OSBPL5: variants seen among roughly 807,000 people sequenced by gnomAD.
OSBPL5 encodes oxysterol-binding protein-related protein 5.
OSBPL5 carries 71 observed loss-of-function variants against 111.2 expected under a neutral mutation model. The ratio of observed to expected loss-of-function variants is 0.64; its 90% CI spans 0.53 to 0.78. The LOEUF is 0.78. Among genes scored for constraint, OSBPL5 ranks in the 30% least tolerant of loss-of-function variants. The probability of loss-of-function intolerance (pLI) is 0.00; values close to 1 mark genes in which losing one functional copy is unlikely to be tolerated. For synonymous variants in OSBPL5, 549 were observed against 513.9 expected, an observed-to-expected ratio of 1.07 and a Z score of -0.93; for missense variants, 1,210 against 1,189.3, an observed-to-expected ratio of 1.02 and a Z score of -0.26.
chr11:3,087,965 G>A lies in OSBPL5; in HGVS notation c.*240C>T, dbSNP rs1394589998. 1 of 388,882 alleles carries A rather than the reference G, an allele frequency of 2.6e-6. No individual in the cohort carries two copies. The highest frequency in any genetic ancestry group is 3.8e-5 in the East Asian group (1 of 26,052). The allele number at this position is 388,882 out of a possible 1,614,324, so 24.1% of individuals were successfully genotyped here. A position where few individuals can be genotyped will look rare whatever the true frequency, so the allele number is the denominator to read the frequency against. On this transcript the variant is annotated 3_prime_UTR_variant, in exon 22 of 22. Transcript: ENST00000263650. ...GCGTCGCACAGCAGAAGCTGCATTT[G>A]GCTTTAGCATTAAGGCCAGCGCTGG...
rs141820907 is a variant in OSBPL5, at chr11:3,096,160, G to A, written c.1622-1826C>T. On this transcript the variant is annotated intron_variant, in intron 14 of 21. Transcript: ENST00000263650. ...CATAGGACATCCATGCACGGAGCAT[G>A]GCCTGATGCAGAGACCCAGCCAAAC... 2.8e-3 allele frequency among the ~76,000 whole-genome samples: 428 copies of A among 152,334 alleles called. 2 individuals carry two copies. The highest frequency in any genetic ancestry group is 9.5e-3 in the African/African-American group (393 of 41,576).
rs920623507 is a variant in OSBPL5, at chr11:3,104,085, T to C, written c.1244+108A>G. 3.1e-6 allele frequency: 4 copies of C among 1,298,948 alleles called. No homozygotes were observed. The highest frequency in any genetic ancestry group is 1.5e-5 in the African/African-American group (1 of 67,566). 80.5% of individuals were successfully genotyped at this position (1,298,948 alleles called of 1,614,324 possible). A position where few individuals can be genotyped will look rare whatever the true frequency, so the allele number is the denominator to read the frequency against. On this transcript the variant is annotated intron_variant, in intron 10 of 21. Coordinates refer to ENST00000263650, the MANE Select transcript of OSBPL5 (RefSeq NM_020896.4). This position sits in a 1 kb window ranked among gnomAD's most constrained non-coding sequence, Gnocchi z 5.0. ...AGAAACAGTGGGCTGAGATCAGCCA[T>C]GGGATTCTCTGGAAGCCCCCACAGG...
At position 3,126,687 on chromosome 11, in the gene OSBPL5, G is replaced by C. The variant is rs2007670; in HGVS notation, c.137-132C>G. The C allele has an allele frequency of 0.11, 72,808 of 653,250 alleles. 4,370 individuals carry two copies. Among genetic ancestry groups the C allele is most frequent in the South Asian group, 0.13 (6,597 of 49,920 alleles). The allele number at this position is 653,250 out of a possible 1,614,324, so 40.5% of individuals were successfully genotyped here. On this transcript the variant is annotated intron_variant, in intron 2 of 21. Transcript: ENST00000263650. This position sits in a 1 kb window ranked among gnomAD's most constrained non-coding sequence, Gnocchi z 6.5. ...GAGGGGCAGGAAGTCAGCCGGAGGTGGTGGCAGGAACAGGACACTGCCTGA... is the reference window on the plus strand; with the variant it reads ...GAGGGGCAGGAAGTCAGCCGGAGGTCGTGGCAGGAACAGGACACTGCCTGA...
At chr11:3,152,193 T>C (rs966008117) in intron 1 of OSBPL5, among the ~76,000 whole-genome samples, 1 of 152,222 alleles carries the variant, frequency 6.6e-6, no homozygotes, top group African/African-American at 2.4e-5. Flanking sequence ...TGAGTCCATG[T>C]GGCCAGGGCA....
chr11:3,100,414 GCCTCAGATTCTGTAAAAT>G, intron 13 of OSBPL5, among the ~76,000 whole-genome samples, 158 bp from the exon 14 acceptor site: 2 of 152,296 alleles, frequency 1.3e-5, no homozygotes, highest in South Asian at 4.1e-4. Flanking sequence ...ACCTCTCTGG[GCCTCAGATTCTGTAAAAT>G]CCTTGTCCAG....
chr11:3,119,597 T>A lies in OSBPL5; in HGVS notation c.641A>T (p.Gln214Leu). The A allele has an allele frequency of 5.1e-6, 8 of 1,576,498 alleles. No homozygotes were observed. Among genetic ancestry groups the A allele is most frequent in the Non-Finnish European group, 6.9e-6 (8 of 1,166,072 alleles). Residue 214 changes from glutamine (Q) to leucine (L), a missense_variant, in exon 7 of 22, where the codon CAG (glutamine) becomes CTG (leucine). Transcript: ENST00000263650. ...PKGESVGSIT[Q>L]PLPSSYLIFR... ...GATCAGGTAGCTGCTGGGCAGGGGC[T>A]GTGTGATGGAGCCCACGCTCTCACC...
intron 5 of OSBPL5, 92 bp from the exon 6 acceptor site, chr11:3,120,716 A>G (rs925343319): frequency 6.9e-7 from 1 of 1,440,132 alleles, no homozygotes; most frequent in Non-Finnish European, 9.4e-7. Flanking sequence ...GGCACAGACC[A>G]GGGTGGGCTG....
At chr11:3,099,351 G>A (rs1027808925) in intron 14 of OSBPL5, among the ~76,000 whole-genome samples, 1 of 152,160 alleles carries the variant, frequency 6.6e-6, no homozygotes, top group Non-Finnish European at 1.5e-5. Context: ...AGCAACACAA[G>A]GAGTGAAAAG....
At chr11:3,096,995 A>AAGAGGAAAGAAGGGGAAGACGGGAAGAGG in intron 14 of OSBPL5, among the ~76,000 whole-genome samples, 1 of 2,094 alleles carries the variant, frequency 4.8e-4, no homozygotes, top group East Asian at 0.014. Flanking sequence ...GGAGGAGGAG[A>AAGAGGAAAGAAGGGGAAGACGGGAAGAGG]AGAGGAAAGA....
At chr11:3,159,987 C>T (rs547813651) in intron 1 of OSBPL5, among the ~76,000 whole-genome samples, 3 of 152,160 alleles carry the variant, frequency 2.0e-5, no homozygotes, top group African/African-American at 7.2e-5. Flanking sequence ...TGATCAGATC[C>T]GAGGCGGTGC....
rs1846070740 is a variant in OSBPL5 at position 3,140,347 on chromosome 11, G to C, written c.-21-11178C>G. On this transcript the variant is annotated intron_variant, in intron 1 of 21. Coordinates refer to ENST00000263650, the MANE Select transcript of OSBPL5 (RefSeq NM_020896.4). The surrounding 1 kb of genome is among the most constrained non-coding windows in gnomAD (Gnocchi z 4.5). ...CCAAGCTCTCCCCTGTATCCCTCAGGTGCTGGACAGGCAGGGTAGGGCTCA... is the reference window on the plus strand; with the variant it reads ...CCAAGCTCTCCCCTGTATCCCTCAGCTGCTGGACAGGCAGGGTAGGGCTCA... 6.6e-6 allele frequency among the ~76,000 whole-genome samples: 1 copy of C among 152,178 alleles called. No individual in the cohort carries two copies. Among genetic ancestry groups the C allele is most frequent in the Non-Finnish European group, 1.5e-5 (1 of 68,016 alleles).
At chr11:3,096,987 A>AGG (rs1490462652) in intron 14 of OSBPL5, among the ~76,000 whole-genome samples, 1 of 72,566 alleles carries the variant, frequency 1.4e-5, no homozygotes, top group Non-Finnish European at 2.7e-5. Context: ...GGAAGGTGGG[A>AGG]GGAGGAGAAG....
In OSBPL5 at chr11:3,121,885, G is replaced by C; in HGVS notation, c.402+112C>G. The C allele has an allele frequency of 4.4e-6, 4 of 913,710 alleles. No individual in the cohort carries two copies. The highest frequency in any genetic ancestry group is 6.7e-6 in the Non-Finnish European group (4 of 592,692). 56.6% of individuals were successfully genotyped at this position (913,710 alleles called of 1,614,324 possible). A position where few individuals can be genotyped will look rare whatever the true frequency, so the allele number is the denominator to read the frequency against. On this transcript the variant is annotated intron_variant, in intron 5 of 21. Coordinates refer to ENST00000263650, the MANE Select transcript of OSBPL5 (RefSeq NM_020896.4). The surrounding 1 kb of genome is among the most constrained non-coding windows in gnomAD (Gnocchi z 4.3). ...GCAGAGGCTGCAGTGATAACGGCTA[G>C]ATGCAGGGAAGTGAATTTCCATCGT...
At chr11:3,088,785 A>G (rs1485595708) in intron 21 of OSBPL5, among the ~76,000 whole-genome samples, 1 of 152,076 alleles carries the variant, frequency 6.6e-6, no homozygotes, top group African/African-American at 2.4e-5. Context: ...TGGTGTCCTT[A>G]TATGAAGAAG....
In OSBPL5 at chr11:3,103,299, G is replaced by A; in HGVS notation, c.1266C>T (p.Ala422=). Residue 422 remains alanine, a synonymous_variant, in exon 11 of 22, where the codon GCC becomes GCT. Transcript: ENST00000263650. The part of the protein sequence containing the change: ...LLSRAAVEED[A]YSRMKLVLRW... ...GCAGCACCAGCTTCATGCGGCTGTA[G>A]GCATCCTCCTCCACCGCAGCCCTGC... The A allele has an allele frequency of 6.2e-7, 1 of 1,607,916 alleles. No homozygotes were observed. The highest frequency in any genetic ancestry group is 8.5e-7 in the Non-Finnish European group (1 of 1,177,232).
chr11:3,117,381 GT>G (rs904445187), intron 7 of OSBPL5, among the ~76,000 whole-genome samples: 9 of 152,192 alleles, frequency 5.9e-5, no homozygotes. Flanking sequence ...ACTTATAGGT[GT>G]TTAATGGTAC....
intron 1 of OSBPL5, among the ~76,000 whole-genome samples, chr11:3,139,395 C>T (rs1846043130): frequency 6.6e-6 from 1 of 152,196 alleles, no homozygotes; most frequent in South Asian, 2.1e-4. Flanking sequence ...GGGCCACGAG[C>T]AACCTGCCAG....
rs1846966382 is a variant in OSBPL5 at position 3,161,509 on chromosome 11, T to A, written c.-22+3707A>T. The A allele has an allele frequency of 6.6e-6, 1 of 152,230 alleles. No individual in the cohort carries two copies. Among genetic ancestry groups the A allele is most frequent in the Non-Finnish European group, 1.5e-5 (1 of 68,066 alleles). 9.4% of individuals were successfully genotyped at this position (152,230 alleles called of 1,614,324 possible). On this transcript the variant is annotated intron_variant, in intron 1 of 21. Coordinates refer to ENST00000263650, the MANE Select transcript of OSBPL5 (RefSeq NM_020896.4). The surrounding 1 kb of genome is among the most constrained non-coding windows in gnomAD (Gnocchi z 8.0). ...CTGACCTCCCTGGGATGAGACAGTA[T>A]GACGGCTTTCCACATGTGCCTCACT...
At chr11:3,088,907 G>A (rs1327451864) in intron 21 of OSBPL5, among the ~76,000 whole-genome samples, 1 of 152,084 alleles carries the variant, frequency 6.6e-6, no homozygotes, top group African/African-American at 2.4e-5. Flanking sequence ...CCGGGACCGC[G>A]AGGGAGTAGA....
Sources: allele counts gnomAD v4.1 joint callset (sites outside exome capture counted in the v4.1 genomes callset), GRCh38; gene constraint gnomAD v4.1.1; non-coding constraint Gnocchi (gnomAD v3.1); transcripts MANE v1.5; gene names NCBI Gene and HGNC (gene_info 2026-07-23, HGNC 2026-07-21).